The following ARMH3 variants were observed in gnomAD, a reference collection of about 807,000 sequenced individuals.
ARMH3 encodes armadillo like helical domain containing 3.
Under a neutral mutation model 99.1 loss-of-function variants are expected in ARMH3, and 60 were observed. The ratio of observed to expected loss-of-function variants is 0.61; its 90% CI spans 0.49 to 0.75. The LOEUF is 0.75. Among genes scored for constraint, ARMH3 ranks in the 30% least tolerant of loss-of-function variants. The pLI is 0.00. For synonymous variants in ARMH3, 285 were observed against 292.8 expected (o/e 0.97, Z 0.27); for missense variants, 679 against 843.1 (o/e 0.81, Z 2.41).
chr10:101,898,176 C>CA (rs576114519), intron 23 of ARMH3, among the ~76,000 whole-genome samples: 1,534 of 143,710 alleles, frequency 0.011, 56 homozygotes, highest in Admixed American at 0.073. Flanking sequence ...CTCAGGAGCA[C>CA]AAAAAAAAAA....
intron 22 of ARMH3, among the ~76,000 whole-genome samples, chr10:101,945,058 G>C (rs1179859846): frequency 1.3e-5 from 2 of 152,036 alleles, no homozygotes; most frequent in Non-Finnish European, 2.9e-5. Context: ...AAAAACTCTA[G>C]ACAAAACATG....
At position 102,006,568 on chromosome 10, in the gene ARMH3, T is replaced by C; in HGVS notation, c.1020A>G (p.Pro340=). The change falls in exon 14 of 26, where the codon CCA becomes CCG. Residue 340 remains proline (P), a synonymous_variant. Transcript: ENST00000370033. Reference sequence around the variant, plus strand: ...CAGAGGAAGGCGGTGTGGTCCCAAGTGGTGTGACTGGGGTTGTAGGAGCAG... The same window carrying C: ...CAGAGGAAGGCGGTGTGGTCCCAAGCGGTGTGACTGGGGTTGTAGGAGCAG... The part of the protein sequence containing the change: ...VSPAPTTPVT[P]LGTTPPSSDV... 4 of 1,613,946 alleles carry C rather than the reference T, an allele frequency of 2.5e-6. No homozygotes were observed. The highest frequency in any genetic ancestry group is 2.5e-6 in the Non-Finnish European group (3 of 1,179,890).
At chr10:101,877,640 A>G (rs2067302084) in intron 24 of ARMH3, among the ~76,000 whole-genome samples, 1 of 151,386 alleles carries the variant, frequency 6.6e-6, no homozygotes, top group Non-Finnish European at 1.5e-5. Flanking sequence ...TGGGTGACAG[A>G]GTGAGACTTT....
intron 2 of ARMH3, 163 bp from the exon 3 acceptor site, chr10:102,033,502 C>T (rs1026790680): frequency 4.1e-6 from 3 of 739,618 alleles, no homozygotes; most frequent in Non-Finnish European, 6.3e-6. Flanking sequence ...ACTGCAGGCT[C>T]CGCCCCCCAG....
chr10:101,860,067 T>C (rs1487022047), intron 24 of ARMH3, among the ~76,000 whole-genome samples: 1 of 151,892 alleles, frequency 6.6e-6, no homozygotes, highest in Non-Finnish European at 1.5e-5. Flanking sequence ...GACCCAAGAA[T>C]AGATGGAAAA....
intron 24 of ARMH3, among the ~76,000 whole-genome samples, chr10:101,855,882 A>T (rs1347192857): frequency 6.6e-6 from 1 of 151,786 alleles, no homozygotes. Flanking sequence ...GCCCAGAAAG[A>T]TTGTAAATTG....
At chr10:101,891,851 G>GT (rs1345168272) in intron 23 of ARMH3, among the ~76,000 whole-genome samples, 1 of 152,170 alleles carries the variant, frequency 6.6e-6, no homozygotes, top group Non-Finnish European at 1.5e-5. Context: ...GCTCACGCAT[G>GT]TAATTCCAGC....
chr10:101,921,844 T>C (rs753930826), intron 23 of ARMH3, among the ~76,000 whole-genome samples: 3 of 152,138 alleles, frequency 2.0e-5, no homozygotes, highest in Non-Finnish European at 2.9e-5. Flanking sequence ...GGGGTGCAGA[T>C]AGAGTGGATA....
Position 101,889,454 on chromosome 10 carries a change from G to C in ARMH3, c.1818C>G (p.Ser606=). 1 of 1,613,966 alleles carries C rather than the reference G, an allele frequency of 6.2e-7. No individual in the cohort carries two copies. The highest frequency in any genetic ancestry group is 8.5e-7 in the Non-Finnish European group (1 of 1,179,882). The change falls in exon 24 of 26, where the codon TCC becomes TCG. Residue 606 remains serine (S), a synonymous_variant. Coordinates refer to ENST00000370033, the MANE Select transcript of ARMH3 (RefSeq NM_024541.3). ...IINHFNPKIE[S]YAAVNHISQL... is the part of the protein sequence containing the mutation. Reference sequence around the variant, plus strand: ...GGGATATGTGATTCACAGCAGCGTAGGACTCAATTTTGGGGTTAAAGTGGT... The same window carrying C: ...GGGATATGTGATTCACAGCAGCGTACGACTCAATTTTGGGGTTAAAGTGGT...
chr10:101,928,979 C>G lies in ARMH3; in HGVS notation c.1781+10884G>C, dbSNP rs141723536. Among the ~76,000 whole-genome samples, 1,422 of 152,256 alleles carry G rather than the reference C, an allele frequency of 9.3e-3. 19 individuals carry two copies. Among genetic ancestry groups the G allele is most frequent in the African/African-American group, 0.032 (1,350 of 41,550 alleles). The stretch of plus-strand genomic sequence containing the variant: ...CTCCTGACCTCAGGTGATCCACCGG[C>G]CTCAGCCTCCCAAAGTGCTGGGATT... On this transcript the variant is annotated intron_variant, in intron 23 of 25. Transcript: ENST00000370033.
chr10:101,852,976 C>T (rs1388113744), intron 24 of ARMH3, among the ~76,000 whole-genome samples: 3 of 151,484 alleles, frequency 2.0e-5, no homozygotes, highest in Admixed American at 2.0e-4. Flanking sequence ...CTCCACCTCA[C>T]AGGTTCAAGC....
Position 101,995,374 on chromosome 10 carries a change from C to T in ARMH3, c.1151-19G>A. 6.2e-7 allele frequency: 1 copy of T among 1,604,706 alleles called. No individual in the cohort carries two copies. Among genetic ancestry groups the T allele is most frequent in the Non-Finnish European group, 8.5e-7 (1 of 1,172,516 alleles). ...TGTTCATCTGTAAAGAAAAAAGAAA[C>T]TCTTCTCTGTAAATCATCCAGATTT... is the stretch of plus-strand genomic sequence containing the variant. On this transcript the variant is annotated intron_variant, in intron 15 of 25. Transcript: ENST00000370033.
intron 23 of ARMH3, among the ~76,000 whole-genome samples, chr10:101,916,346 T>C (rs1843085718): frequency 6.6e-6 from 1 of 151,954 alleles, no homozygotes; most frequent in Non-Finnish European, 1.5e-5. Flanking sequence ...AGGAAAACCA[T>C]CAGCAACCTA....
chr10:101,944,639 C>A (rs1266560710), intron 22 of ARMH3, among the ~76,000 whole-genome samples: 1 of 151,856 alleles, frequency 6.6e-6, no homozygotes. Flanking sequence ...CATGGCGAAA[C>A]CCTGTCTCTA....
chr10:101,851,711 A>G (rs922020136), intron 24 of ARMH3, among the ~76,000 whole-genome samples: 27 of 152,188 alleles, frequency 1.8e-4, no homozygotes, highest in African/African-American at 5.3e-4. Context: ...TTGTGTCCCA[A>G]TGGGAGAGTT....
chr10:101,915,160 G>A (rs1843027542), intron 23 of ARMH3, among the ~76,000 whole-genome samples: 1 of 152,010 alleles, frequency 6.6e-6, no homozygotes, highest in Non-Finnish European at 1.5e-5. Context: ...ATCACACTAG[G>A]AGGAGGAGAA....
intron 18 of ARMH3, among the ~76,000 whole-genome samples, chr10:101,991,025 C>G (rs1485912602): frequency 6.6e-6 from 1 of 152,218 alleles, no homozygotes; most frequent in African/African-American, 2.4e-5. Context: ...AAAGCTATGT[C>G]AGTCAATCTC....
chr10:101,927,288 T>C (rs1843546589), intron 23 of ARMH3, among the ~76,000 whole-genome samples: 1 of 152,210 alleles, frequency 6.6e-6, no homozygotes, highest in Non-Finnish European at 1.5e-5. Context: ...CCAAGGCCTC[T>C]GCTGTCTAAA....
chr10:102,010,024 C>A lies in ARMH3; in HGVS notation c.832-1G>T. On this transcript the variant is annotated splice_acceptor_variant, in intron 11 of 25. Coordinates refer to ENST00000370033, the MANE Select transcript of ARMH3 (RefSeq NM_024541.3). LOFTEE classifies it high-confidence loss of function. ...CATCTGCTATGAACATGCTGCCCACCTGTGGAAGAAAAGGGGAATTGCAAA... is the reference window on the plus strand; with the variant it reads ...CATCTGCTATGAACATGCTGCCCACATGTGGAAGAAAAGGGGAATTGCAAA... The A allele has an allele frequency of 6.2e-7, 1 of 1,613,762 alleles. No individual in the cohort carries two copies. Among genetic ancestry groups the A allele is most frequent in the Non-Finnish European group, 8.5e-7 (1 of 1,179,810 alleles).
Sources: allele counts gnomAD v4.1 joint callset (sites outside exome capture counted in the v4.1 genomes callset), GRCh38; gene constraint gnomAD v4.1.1; transcripts MANE v1.5; gene names NCBI Gene and HGNC (gene_info 2026-07-23, HGNC 2026-07-21).